RAB18: variants seen among roughly 807,000 people sequenced by gnomAD.
The protein encoded by RAB18 is RAB18, member RAS oncogene family.
In RAB18, 10 loss-of-function variants were observed where a neutral mutation model predicts 28.5. That is an observed-to-expected ratio of 0.35 (90% CI 0.22 to 0.60). RAB18 has a LOEUF of 0.60. Among genes scored for constraint, RAB18 ranks in the 20% least tolerant of loss-of-function variants. The pLI, the probability that RAB18 is intolerant of heterozygous loss-of-function variation, is 0.78. For missense variants in RAB18, 188 were observed against 244.2 expected, an observed-to-expected ratio of 0.77 and a Z score of 1.53; for synonymous variants, 93 against 86.9, an observed-to-expected ratio of 1.07 and a Z score of -0.39.
intron 2 of RAB18, among the ~76,000 whole-genome samples, chr10:27,525,046 C>T (rs1834644601): frequency 6.6e-6 from 1 of 152,146 alleles, no homozygotes; most frequent in Non-Finnish European, 1.5e-5. Context: ...TGTTAGTTAT[C>T]CACATGCAAA....
At chr10:27,508,968 G>A (rs1390533760) in intron 1 of RAB18, among the ~76,000 whole-genome samples, 1 of 152,138 alleles carries the variant, frequency 6.6e-6, no homozygotes, top group Non-Finnish European at 1.5e-5. Context: ...TTAAAATCAA[G>A]GGCTTTAACA....
intron 2 of RAB18, among the ~76,000 whole-genome samples, chr10:27,521,138 T>C (rs1297510658): frequency 6.6e-6 from 1 of 152,108 alleles, no homozygotes; most frequent in Admixed American, 6.6e-5. Context: ...GTTTATTCCA[T>C]TGTAATCAGA....
rs765906124 is a variant in RAB18 at position 27,533,818 on chromosome 10, A to G, written c.343A>G (p.Ile115Val). Reference protein sequence around the residue: ...ELETYCTRNDIVNMLVGNKID... With the variant: ...ELETYCTRNDVVNMLVGNKID... ...GGAAACATACTGTACAAGAAATGAC[A>G]TAGTAAACATGCTAGTTGGAAATAA... Residue 115 changes from isoleucine to valine, a missense_variant, in exon 5 of 7, where the codon ATA becomes GTA. Physicochemically the swap from Ile to Val is conservative, Grantham distance 29. Transcript: ENST00000356940. 5 of 1,613,740 alleles carry G rather than the reference A, an allele frequency of 3.1e-6. No homozygotes were observed. The highest frequency in any genetic ancestry group is 1.7e-6 in the Non-Finnish European group (2 of 1,179,730).
chr10:27,508,876 T>G (rs1215758768), intron 1 of RAB18, among the ~76,000 whole-genome samples: 1 of 152,156 alleles, frequency 6.6e-6, no homozygotes, highest in African/African-American at 2.4e-5. Context: ...TGATGGCTGT[T>G]TCTTTGATTT....
At chr10:27,515,932 T>C (rs974465245) in intron 2 of RAB18, among the ~76,000 whole-genome samples, 6 of 152,204 alleles carry the variant, frequency 3.9e-5, no homozygotes, top group Non-Finnish European at 8.8e-5. Context: ...TAGTTGCACA[T>C]AGTATTATTT....
chr10:27,507,369 C>T (rs1461799782), intron 1 of RAB18, among the ~76,000 whole-genome samples: 1 of 151,982 alleles, frequency 6.6e-6, no homozygotes, highest in Admixed American at 6.6e-5. Flanking sequence ...ATGCTGTAGG[C>T]CTTCATTTCA....
intron 2 of RAB18, chr10:27,514,160 T>G (rs546874300): frequency 4.7e-4 from 71 of 152,276 alleles, no homozygotes; most frequent in African/African-American, 1.6e-3. Context: ...CAGCACTTCT[T>G]CAGAGATGAA....
chr10:27,537,853 T>C, intron 6 of RAB18, 23 bp from the exon 7 acceptor site: 1 of 1,596,276 alleles, frequency 6.3e-7, no homozygotes, highest in Non-Finnish European at 8.6e-7. Flanking sequence ...ATACTATGAA[T>C]GACCTTTTTC....
rs1432764376 is a variant in RAB18, at chr10:27,538,408, T to C, written c.*357T>C. On this transcript the variant is annotated 3_prime_UTR_variant, in exon 7 of 7. Coordinates refer to ENST00000356940, the MANE Select transcript of RAB18 (RefSeq NM_021252.5). ...TTTTGCTTAAATACTCCTATCATTT[T>C]CTGAATTACTTGGTATTTAGAACTC... The C allele has an allele frequency of 6.5e-6, 3 of 460,588 alleles. No individual in the cohort carries two copies. The Admixed American group carries it at 7.0e-5, about 11-fold the overall frequency. 28.5% of individuals were successfully genotyped at this position (460,588 alleles called of 1,614,324 possible). A position where few individuals can be genotyped will look rare whatever the true frequency, so the allele number is the denominator to read the frequency against.
chr10:27,515,983 A>G (rs1345492108), intron 2 of RAB18, among the ~76,000 whole-genome samples: 2 of 151,976 alleles, frequency 1.3e-5, no homozygotes, highest in Non-Finnish European at 2.9e-5. Context: ...TTCATTTCTA[A>G]AATTGTCTAT....
At chr10:27,537,365 T>A (rs896701886) in intron 6 of RAB18, among the ~76,000 whole-genome samples, 2 of 152,206 alleles carry the variant, frequency 1.3e-5, no homozygotes, top group East Asian at 3.8e-4. Flanking sequence ...GAAGCAGTGC[T>A]GAGTGTCCAG....
chr10:27,513,327 G>T (rs544242151), intron 2 of RAB18, among the ~76,000 whole-genome samples: 1 of 151,978 alleles, frequency 6.6e-6, no homozygotes, highest in African/African-American at 2.4e-5. Flanking sequence ...GAGCCACCAC[G>T]CCCAGCCCAC....
chr10:27,520,964 A>G (rs1325288011), intron 2 of RAB18, among the ~76,000 whole-genome samples: 1 of 148,518 alleles, frequency 6.7e-6, no homozygotes, highest in Admixed American at 6.7e-5. Context: ...TTCTCTTAAC[A>G]TTTCTTTCAC....
At chr10:27,506,266 G>T (rs942885114) in intron 1 of RAB18, among the ~76,000 whole-genome samples, 14 of 152,004 alleles carry the variant, frequency 9.2e-5, no homozygotes, top group Admixed American at 8.5e-4. Flanking sequence ...GACAAGTTAG[G>T]GTATGTTAAA....
intron 6 of RAB18, among the ~76,000 whole-genome samples, chr10:27,535,202 C>T (rs1834868926): frequency 6.6e-6 from 1 of 152,158 alleles, no homozygotes; most frequent in African/African-American, 2.4e-5. Context: ...CCCAGGATGG[C>T]TTTGAATGTG....
intron 1 of RAB18, among the ~76,000 whole-genome samples, chr10:27,509,056 A>G (rs556717817): frequency 9.8e-5 from 15 of 152,326 alleles, no homozygotes; most frequent in African/African-American, 3.1e-4. Flanking sequence ...ATTCTGGAAG[A>G]TGTAAAATCT....
At position 27,539,624 on chromosome 10, in the gene RAB18, G is replaced by A. The variant is rs1834980155; in HGVS notation, c.*1573G>A. On this transcript the variant is annotated 3_prime_UTR_variant, in exon 7 of 7. Coordinates refer to ENST00000356940, the MANE Select transcript of RAB18 (RefSeq NM_021252.5). ...TGTTATATTAAAACTTGAGATTTGT[G>A]TATTTATGTAGAGTCTGTATTGACA... 1 of 451,258 alleles carries A rather than the reference G, an allele frequency of 2.2e-6. No individual in the cohort carries two copies. Among genetic ancestry groups the A allele is most frequent in the Non-Finnish European group, 4.4e-6 (1 of 226,092 alleles). The allele number at this position is 451,258 out of a possible 1,614,324, so 28.0% of individuals were successfully genotyped here.
Position 27,532,588 on chromosome 10 carries a change from T to A in RAB18, c.259+9T>A, listed in dbSNP as rs753268202. 3.3e-5 allele frequency: 52 copies of A among 1,565,688 alleles called. No individual in the cohort carries two copies. The Middle Eastern group carries it at 5.5e-4, about 16-fold the overall frequency. ...ACAGGGTGTTATATTAGGTAAGTGT[T>A]TACTTTAATGTACTATTTAAAAATA... On this transcript the variant is annotated intron_variant, in intron 4 of 6. Coordinates refer to ENST00000356940, the MANE Select transcript of RAB18 (RefSeq NM_021252.5).
intron 2 of RAB18, among the ~76,000 whole-genome samples, chr10:27,516,714 T>C (rs1381827668): frequency 6.6e-6 from 1 of 152,152 alleles, no homozygotes; most frequent in African/African-American, 2.4e-5. Flanking sequence ...AACCACAGAT[T>C]TGACCTGAAT....
Sources: gnomAD v4.1 joint callset for allele counts (sites outside exome capture counted in the v4.1 genomes callset) on GRCh38, gnomAD v4.1.1 for gene constraint, MANE v1.5 for transcripts, NCBI Gene and HGNC (gene_info 2026-07-23, HGNC 2026-07-21) for gene names.